STXBP4: variants seen among roughly 807,000 people sequenced by gnomAD.
STXBP4 encodes syntaxin binding protein 4, also known as syntaxin-binding protein 4.
A neutral mutation model predicts 76.1 loss-of-function variants in STXBP4; 55 were observed. That is an observed-to-expected ratio of 0.72 (90% confidence interval 0.58 to 0.91). The LOEUF (loss-of-function observed/expected upper bound fraction) is 0.91. STXBP4 is among the 40% of genes least tolerant of loss of function. The pLI is 0.00. For synonymous variants in STXBP4, 201 were observed against 220.2 expected (o/e 0.91, Z 0.77); for missense variants, 618 against 636.9 (o/e 0.97, Z 0.32).
chr17:55,073,570 A>G (rs1270596193), intron 13 of STXBP4, among the ~76,000 whole-genome samples: 1 of 152,196 alleles, frequency 6.6e-6, no homozygotes, highest in Non-Finnish European at 1.5e-5. Flanking sequence ...AGTAGTTTCC[A>G]ATAGATGATT....
At chr17:55,197,595 C>T in the STXBP4 span, among the ~76,000 whole-genome samples, 1,029 of 151,824 alleles carry the variant, frequency 6.8e-3, 8 homozygotes, top group African/African-American at 0.024. Context: ...TCAAAAAAAT[C>T]AGCCAGGCGT....
chr17:54,983,611 C>CTTTTA (rs1368677925), intron 1 of STXBP4, among the ~76,000 whole-genome samples: 2 of 151,022 alleles, frequency 1.3e-5, no homozygotes, highest in African/African-American at 4.9e-5. Context: ...CTCTGCATTT[C>CTTTTA]TTTTCTTTTT....
At chr17:55,010,841 C>A (rs2078097623) in intron 8 of STXBP4, among the ~76,000 whole-genome samples, 1 of 152,084 alleles carries the variant, frequency 6.6e-6, no homozygotes, top group Non-Finnish European at 1.5e-5. Flanking sequence ...TTTTAAAATT[C>A]ATCATTCAGA....
At chr17:54,984,623 G>A (rs1031663963) in intron 1 of STXBP4, among the ~76,000 whole-genome samples, 11 of 152,022 alleles carry the variant, frequency 7.2e-5, no homozygotes, top group Admixed American at 6.6e-4. Flanking sequence ...GATTACAGGC[G>A]TGAACCACCG....
intron 4 of STXBP4, among the ~76,000 whole-genome samples, chr17:54,998,988 C>G (rs538909988): frequency 6.6e-6 from 1 of 152,108 alleles, no homozygotes; most frequent in East Asian, 1.9e-4. Context: ...TGAAATATCC[C>G]ACAGTTATTT....
At chr17:55,047,059 A>T in intron 11 of STXBP4, 30 bp from the exon 12 acceptor site, 1 of 1,378,286 alleles carries the variant, frequency 7.3e-7, no homozygotes, top group Non-Finnish European at 1.0e-6. Context: ...TTTCATAACA[A>T]GTTGTTAATT....
At position 55,159,252 on chromosome 17, in the gene STXBP4, A is replaced by G. The variant is rs147705918; in HGVS notation, c.1548-545A>G. ...CAGAGCAGGACTCTGTCTCAAATAC[A>G]TAAATAAATAAATAAATAAATAAAA... On this transcript the variant is annotated intron_variant, in intron 17 of 17. Coordinates refer to ENST00000376352, the MANE Select transcript of STXBP4 (RefSeq NM_178509.6). 2.4e-3 allele frequency among the ~76,000 whole-genome samples: 349 copies of G among 145,346 alleles called. 1 individual carries two copies. The highest frequency in any genetic ancestry group is 9.2e-3 in the African/African-American group (334 of 36,148).
chr17:55,173,762 A>G (rs2080418491), downstream of STXBP4: 1 of 152,232 alleles, frequency 6.6e-6, no homozygotes, highest in Admixed American at 6.5e-5. Context: ...TTAGTGACTT[A>G]AGCATTACAA....
the STXBP4 span, among the ~76,000 whole-genome samples, chr17:55,201,102 T>G: frequency 6.6e-6 from 1 of 152,182 alleles, no homozygotes; most frequent in Non-Finnish European, 1.5e-5. Context: ...CATGCCAAAG[T>G]TGATTTTTTT....
chr17:55,030,395 G>A (rs1243327110), intron 8 of STXBP4, among the ~76,000 whole-genome samples: 1 of 152,054 alleles, frequency 6.6e-6, no homozygotes, highest in East Asian at 1.9e-4. Context: ...TTTGAAAGGA[G>A]ACTTCCTAAT....
chr17:55,077,267 G>A (rs2079194844), intron 13 of STXBP4, among the ~76,000 whole-genome samples: 1 of 152,106 alleles, frequency 6.6e-6, no homozygotes, highest in Non-Finnish European at 1.5e-5. Flanking sequence ...CTGAGTTTTA[G>A]AAATATCTCT....
chr17:55,076,115 T>C (rs985712909), intron 13 of STXBP4, among the ~76,000 whole-genome samples: 5 of 152,198 alleles, frequency 3.3e-5, no homozygotes, highest in Admixed American at 3.3e-4. Context: ...TTCTTCCAAA[T>C]TTCTGGCTTG....
Position 55,043,234 on chromosome 17 carries a change from A to G in STXBP4, c.856-2A>G. On this transcript the variant is annotated splice_acceptor_variant, in intron 10 of 17. Coordinates refer to ENST00000376352, the MANE Select transcript of STXBP4 (RefSeq NM_178509.6). LOFTEE classifies it high-confidence loss of function. The stretch of plus-strand genomic sequence containing the variant: ...TTTTCTCTTATATTTTAATGTTGAT[A>G]GCTTCTTCCTTGTGATTCTTCAGAA... 6.8e-7 allele frequency: 1 copy of G among 1,475,538 alleles called. No homozygotes were observed. Among genetic ancestry groups the G allele is most frequent in the Non-Finnish European group, 9.0e-7 (1 of 1,108,136 alleles). 91.4% of individuals were successfully genotyped at this position (1,475,538 alleles called of 1,614,324 possible). A position where few individuals can be genotyped will look rare whatever the true frequency, so the allele number is the denominator to read the frequency against.
At chr17:55,067,855 C>T (rs531780258) in intron 12 of STXBP4, among the ~76,000 whole-genome samples, 3 of 152,092 alleles carry the variant, frequency 2.0e-5, no homozygotes, top group African/African-American at 7.2e-5. Flanking sequence ...CTTCACAGTG[C>T]TTAATTACTG....
intron 16 of STXBP4, among the ~76,000 whole-genome samples, chr17:55,129,624 T>G (rs1256782975): frequency 6.6e-6 from 1 of 151,908 alleles, no homozygotes; most frequent in Non-Finnish European, 1.5e-5. Flanking sequence ...AAGGAAGGAA[T>G]CCTAAAATTA....
intron 1 of STXBP4, among the ~76,000 whole-genome samples, chr17:54,975,949 G>A (rs55664835): frequency 0.018 from 2,723 of 152,122 alleles, 85 homozygotes; most frequent in African/African-American, 0.061. Flanking sequence ...TCTCTCCTTA[G>A]TCACATTTGC....
intron 10 of STXBP4, among the ~76,000 whole-genome samples, chr17:55,038,553 A>G (rs1013466779): frequency 2.0e-5 from 3 of 152,090 alleles, no homozygotes. Flanking sequence ...TTGGAAGAAT[A>G]TGACATTTAG....
intron 16 of STXBP4, among the ~76,000 whole-genome samples, chr17:55,088,317 A>G (rs946093743): frequency 1.3e-5 from 2 of 152,188 alleles, no homozygotes; most frequent in Admixed American, 6.5e-5. Flanking sequence ...TCTTCTTAAT[A>G]TAAGTGTTCT....
intron 11 of STXBP4, among the ~76,000 whole-genome samples, chr17:55,046,841 T>C (rs551063680): frequency 6.6e-6 from 1 of 152,080 alleles, no homozygotes; most frequent in African/African-American, 2.4e-5. Context: ...AACTGGCTTC[T>C]GTTAGAGCTT....
Sources: allele counts gnomAD v4.1 joint callset (sites outside exome capture counted in the v4.1 genomes callset), GRCh38; gene constraint gnomAD v4.1.1; transcripts MANE v1.5; gene names NCBI Gene and HGNC (gene_info 2026-07-23, HGNC 2026-07-21).